CHL1: variants seen among roughly 807,000 people sequenced by gnomAD.
CHL1 encodes the protein neural cell adhesion molecule L1-like protein.
In CHL1, 96 loss-of-function variants were observed where a neutral mutation model predicts 141.9. That is an observed-to-expected ratio of 0.68 (90% CI 0.57 to 0.80). CHL1 has a LOEUF of 0.80. CHL1 is among the 30% of genes least tolerant of loss of function. The pLI, the probability that CHL1 is intolerant of heterozygous loss-of-function variation, is 0.00. For synonymous variants in CHL1, 613 were observed against 502.2 expected (o/e 1.22, Z -2.95); for missense variants, 1,820 against 1,457.2 (o/e 1.25, Z -4.05).
chr3:306,042 G>C (rs1306723540), intron 2 of CHL1, among the ~76,000 whole-genome samples: 1 of 152,122 alleles, frequency 6.6e-6, no homozygotes, highest in Non-Finnish European at 1.5e-5. Flanking sequence ...AAGGTAATCA[G>C]TTCAAAAATG....
At chr3:321,933 A>G (rs73814813) in intron 3 of CHL1, among the ~76,000 whole-genome samples, 3,913 of 152,154 alleles carry the variant, frequency 0.026, 156 homozygotes, top group African/African-American at 0.087. Flanking sequence ...CCCAAAGGTT[A>G]TTAGCTCCGT....
intron 9 of CHL1, among the ~76,000 whole-genome samples, chr3:347,061 T>C (rs1702829270): frequency 6.6e-6 from 1 of 152,160 alleles, no homozygotes; most frequent in African/African-American, 2.4e-5. Context: ...TTTCCTTTTG[T>C]TTTAGATTTA....
intron 1 of CHL1, among the ~76,000 whole-genome samples, chr3:242,475 A>T (rs1421890280): frequency 6.6e-6 from 1 of 151,076 alleles, no homozygotes; most frequent in Non-Finnish European, 1.5e-5. Context: ...GGGCGCCTGT[A>T]GTCCCAGCTA....
intron 2 of CHL1, among the ~76,000 whole-genome samples, chr3:307,304 A>T (rs1699327345): frequency 6.6e-6 from 1 of 152,226 alleles, no homozygotes; most frequent in African/African-American, 2.4e-5. Context: ...ATGTGTACAC[A>T]TGCACAAGCA....
intron 5 of CHL1, among the ~76,000 whole-genome samples, chr3:335,278 G>C (rs571670624): frequency 1.3e-5 from 2 of 152,300 alleles, no homozygotes; most frequent in African/African-American, 4.8e-5. Flanking sequence ...CTTTAATTAA[G>C]TTCGAGGATT....
At chr3:255,015 A>G (rs1215496197) in intron 2 of CHL1, among the ~76,000 whole-genome samples, 1 of 152,112 alleles carries the variant, frequency 6.6e-6, no homozygotes, top group East Asian at 1.9e-4. Context: ...GGATTTGCCT[A>G]TCTCCATCTC....
intron 15 of CHL1, among the ~76,000 whole-genome samples, chr3:376,752 A>C (rs994473917): frequency 1.3e-5 from 2 of 152,204 alleles, no homozygotes; most frequent in Admixed American, 1.3e-4. Context: ...TCAAATGGAC[A>C]CCTGAGTAAC....
intron 2 of CHL1, among the ~76,000 whole-genome samples, chr3:314,329 G>GTATGTATATATATATATA (rs1699996403): frequency 3.1e-5 from 2 of 65,344 alleles, no homozygotes; most frequent in African/African-American, 5.3e-5. Context: ...CTCTCTATGT[G>GTATGTATATATATATATA]TATATATATA....
chr3:338,899 G>T lies in CHL1; in HGVS notation c.386-1895G>T, dbSNP rs9833929. On this transcript the variant is annotated intron_variant, in intron 5 of 27. Coordinates refer to ENST00000256509, the MANE Select transcript of CHL1 (RefSeq NM_006614.4). The stretch of plus-strand genomic sequence containing the variant: ...CAGTACTATCTGTTCGAATTGCTAG[G>T]TTTTTTTTAACGCTCTCAGGGAGCA... Among the ~76,000 whole-genome samples, 4 of 152,178 alleles carry T rather than the reference G, an allele frequency of 2.6e-5. No individual in the cohort carries two copies. The South Asian group carries it at 6.2e-4, about 24-fold the overall frequency.
chr3:337,653 G>C (rs187444293), intron 5 of CHL1, among the ~76,000 whole-genome samples: 5 of 151,988 alleles, frequency 3.3e-5, no homozygotes, highest in Admixed American at 3.3e-4. Context: ...TGCTGATAAT[G>C]ATGGTTTTCA....
chr3:405,352 T>C, intron 27 of CHL1, 143 bp from the exon 28 acceptor site: 4 of 594,132 alleles, frequency 6.7e-6, no homozygotes, highest in Middle Eastern at 4.5e-4. Flanking sequence ...TGTGGTAGTA[T>C]CATGTGGGCT....
chr3:213,508 G>T (rs1700061674), intron 1 of CHL1: 1 of 152,248 alleles, frequency 6.6e-6, no homozygotes, highest in East Asian at 1.9e-4. Flanking sequence ...CTGAATATAT[G>T]CCCATAAAAT....
At chr3:376,446 A>G (rs1158493083) in intron 15 of CHL1, 2 of 511,684 alleles carry the variant, frequency 3.9e-6, no homozygotes, top group Non-Finnish European at 7.8e-6. Context: ...CATACCTACC[A>G]CATTTCGAGG....
At chr3:264,584 A>T (rs1193791015) in intron 2 of CHL1, among the ~76,000 whole-genome samples, 1 of 152,212 alleles carries the variant, frequency 6.6e-6, no homozygotes, top group African/African-American at 2.4e-5. Flanking sequence ...AAACCCAAAG[A>T]TTGAAGAAGT....
rs141081146 is a variant in CHL1, at chr3:339,464, A to C, written c.386-1330A>C. Among the ~76,000 whole-genome samples, 865 of 152,298 alleles carry C rather than the reference A, an allele frequency of 5.7e-3. 3 individuals carry two copies. The highest frequency in any genetic ancestry group is 0.012 in the South Asian group (60 of 4,826). On this transcript the variant is annotated intron_variant, in intron 5 of 27. Coordinates refer to ENST00000256509, the MANE Select transcript of CHL1 (RefSeq NM_006614.4). The stretch of plus-strand genomic sequence containing the variant: ...TGCTATTTCAAAAATGTTTCCAGAG[A>C]CTTTCTAAAAGGAATCTTATAGAAC...
chr3:361,582 A>G, intron 12 of CHL1, 117 bp from the exon 13 acceptor site: 1 of 653,186 alleles, frequency 1.5e-6, no homozygotes, highest in Non-Finnish European at 2.8e-6. Flanking sequence ...CAAAACAGAC[A>G]CCATAATATT....
At chr3:201,417 C>A (rs983807135) in intron 1 of CHL1, among the ~76,000 whole-genome samples, 4 of 152,182 alleles carry the variant, frequency 2.6e-5, no homozygotes, top group Non-Finnish European at 5.9e-5. Context: ...GAAATGTTGA[C>A]TTCACTTTCA....
chr3:215,051 C>T (rs901744787), intron 1 of CHL1, among the ~76,000 whole-genome samples: 1 of 152,052 alleles, frequency 6.6e-6, no homozygotes, highest in Non-Finnish European at 1.5e-5. Context: ...GCTATACATT[C>T]TCATGCTAGC....
intron 2 of CHL1, among the ~76,000 whole-genome samples, chr3:252,361 G>GATATAGATAT (rs1553596100): frequency 1.8e-5 from 1 of 54,274 alleles, no homozygotes; most frequent in East Asian, 1.0e-3. Flanking sequence ...AAAGCATCCA[G>GATATAGATAT]ATATATATAT....
Sources: allele counts gnomAD v4.1 joint callset (sites outside exome capture counted in the v4.1 genomes callset), GRCh38; gene constraint gnomAD v4.1.1; transcripts MANE v1.5; gene names NCBI Gene and HGNC (gene_info 2026-07-23, HGNC 2026-07-21).